PDZRN4: variants seen among roughly 807,000 people sequenced by gnomAD.
PDZRN4 encodes the protein PDZ domain-containing RING finger protein 4.
In PDZRN4, 70 loss-of-function variants were observed where a neutral mutation model predicts 99.0. That is an observed-to-expected ratio of 0.71 (90% confidence interval 0.58 to 0.86). PDZRN4 has a LOEUF of 0.86. Among genes scored for constraint, PDZRN4 ranks in the 40% least tolerant of loss-of-function variants. The pLI, the probability that PDZRN4 is intolerant of heterozygous loss-of-function variation, is 0.00. For missense variants in PDZRN4, 1,474 were observed against 1,331.2 expected, an observed-to-expected ratio of 1.11 and a Z score of -1.67; for synonymous variants, 551 against 501.6, an observed-to-expected ratio of 1.10 and a Z score of -1.32.
chr12:41,518,324 G>A (rs1461054096), intron 5 of PDZRN4, among the ~76,000 whole-genome samples: 2 of 152,002 alleles, frequency 1.3e-5, no homozygotes, highest in Non-Finnish European at 2.9e-5. Context: ...TAAATATGAT[G>A]GAAATTGTAC....
intron 3 of PDZRN4, among the ~76,000 whole-genome samples, chr12:41,425,491 A>G (rs900979045): frequency 2.0e-5 from 3 of 152,110 alleles, no homozygotes; most frequent in African/African-American, 7.2e-5. Flanking sequence ...TACATGCCAG[A>G]TGGTGTTCCT....
intron 5 of PDZRN4, among the ~76,000 whole-genome samples, chr12:41,520,924 G>C (rs1232626918): frequency 6.6e-6 from 1 of 152,034 alleles, no homozygotes; most frequent in Non-Finnish European, 1.5e-5. Flanking sequence ...CTGAGATACA[G>C]CACTTCTAGA....
At chr12:41,530,595 TG>T (rs1334505197) in intron 5 of PDZRN4, among the ~76,000 whole-genome samples, 2 of 152,234 alleles carry the variant, frequency 1.3e-5, no homozygotes, top group Non-Finnish European at 2.9e-5. Flanking sequence ...ATGCATAGAC[TG>T]GTGCATATTA....
chr12:41,334,964 G>C (rs186222789), intron 3 of PDZRN4, among the ~76,000 whole-genome samples: 1 of 151,978 alleles, frequency 6.6e-6, no homozygotes, highest in African/African-American at 2.4e-5. Flanking sequence ...GCAGCAGTAT[G>C]GTTTTGATGT....
At chr12:41,376,374 C>T (rs998192233) in intron 3 of PDZRN4, among the ~76,000 whole-genome samples, 2 of 152,156 alleles carry the variant, frequency 1.3e-5, no homozygotes, top group African/African-American at 4.8e-5. Flanking sequence ...TTCTCCACAT[C>T]CTCATAAACA....
chr12:41,240,737 C>T (rs1439434547), intron 3 of PDZRN4, among the ~76,000 whole-genome samples: 2 of 152,178 alleles, frequency 1.3e-5, no homozygotes, highest in African/African-American at 4.8e-5. Context: ...GTTGTGTCCT[C>T]ACATGGTGGA....
At chr12:41,555,426 A>G (rs1453009510) in intron 6 of PDZRN4, among the ~76,000 whole-genome samples, 1 of 151,950 alleles carries the variant, frequency 6.6e-6, no homozygotes, top group Non-Finnish European at 1.5e-5. Context: ...ATGAAGGGAA[A>G]AAGGAAAGAA....
intron 3 of PDZRN4, among the ~76,000 whole-genome samples, chr12:41,470,533 G>T (rs1472111653): frequency 2.0e-5 from 3 of 151,598 alleles, no homozygotes; most frequent in Non-Finnish European, 4.4e-5. Context: ...TAAGTTTTAG[G>T]GTACATGTGC....
intron 3 of PDZRN4, among the ~76,000 whole-genome samples, chr12:41,337,610 G>T (rs565274070): frequency 4.2e-4 from 64 of 152,234 alleles, no homozygotes; most frequent in African/African-American, 1.5e-3. Context: ...GAATTTCATA[G>T]ACTTCCAGTT....
chr12:41,554,649 G>A (rs974827396), intron 6 of PDZRN4, among the ~76,000 whole-genome samples: 6 of 151,860 alleles, frequency 4.0e-5, no homozygotes, highest in Middle Eastern at 3.4e-3. Context: ...GAAATTACCC[G>A]CAGTGAACTG....
At chr12:41,446,761 C>T (rs1439637381) in intron 3 of PDZRN4, among the ~76,000 whole-genome samples, 3 of 151,714 alleles carry the variant, frequency 2.0e-5, no homozygotes, top group Non-Finnish European at 4.4e-5. Flanking sequence ...AAAGATAGTT[C>T]TCTATGAGCA....
chr12:41,541,721 G>A (rs1938860531), intron 5 of PDZRN4, among the ~76,000 whole-genome samples: 2 of 152,150 alleles, frequency 1.3e-5, no homozygotes, highest in Non-Finnish European at 2.9e-5. Flanking sequence ...CCAAAGTGCT[G>A]GGATTACAGG....
intron 3 of PDZRN4, among the ~76,000 whole-genome samples, chr12:41,424,872 C>A (rs985273579): frequency 1.3e-5 from 2 of 152,082 alleles, no homozygotes; most frequent in Non-Finnish European, 2.9e-5. Context: ...AGAGGCCAGG[C>A]CTGACAATGC....
At chr12:41,388,509 C>T (rs377356604) in intron 3 of PDZRN4, among the ~76,000 whole-genome samples, 2 of 152,260 alleles carry the variant, frequency 1.3e-5, no homozygotes, top group African/African-American at 4.8e-5. Flanking sequence ...GGATTTTGAG[C>T]AAATCTCTTG....
At chr12:41,321,929 T>C (rs1037812212) in intron 3 of PDZRN4, among the ~76,000 whole-genome samples, 4 of 152,294 alleles carry the variant, frequency 2.6e-5, no homozygotes, top group Admixed American at 2.6e-4. Context: ...TGTAAACCAA[T>C]CAAACTACCT....
chr12:41,521,298 C>G (rs1279762500), intron 5 of PDZRN4, among the ~76,000 whole-genome samples: 1 of 152,034 alleles, frequency 6.6e-6, no homozygotes. Context: ...TTTTTGCTCT[C>G]TTGAGCATAC....
intron 5 of PDZRN4, among the ~76,000 whole-genome samples, chr12:41,522,112 T>C (rs1327813348): frequency 6.6e-6 from 1 of 152,146 alleles, no homozygotes; most frequent in Non-Finnish European, 1.5e-5. Flanking sequence ...TACAAATCCT[T>C]TTAAGCAAAG....
At chr12:41,257,379 C>T (rs939365258) in intron 3 of PDZRN4, among the ~76,000 whole-genome samples, 4 of 152,140 alleles carry the variant, frequency 2.6e-5, no homozygotes, top group African/African-American at 7.2e-5. Flanking sequence ...CCTGTTCATG[C>T]GGGTGCTTGC....
At chr12:41,200,076 A>G (rs1591964908) in intron 3 of PDZRN4, among the ~76,000 whole-genome samples, 1 of 152,314 alleles carries the variant, frequency 6.6e-6, no homozygotes, top group East Asian at 1.9e-4. Flanking sequence ...TAGTGAAGTG[A>G]CACTGTAGAT....
Sources: gnomAD v4.1 joint callset for allele counts (sites outside exome capture counted in the v4.1 genomes callset) on GRCh38, gnomAD v4.1.1 for gene constraint, MANE v1.5 for transcripts, NCBI Gene and HGNC (gene_info 2026-07-23, HGNC 2026-07-21) for gene names.